KIF5A: variants seen among roughly 807,000 people sequenced by gnomAD.
KIF5A encodes kinesin heavy chain isoform 5A.
KIF5A carries 35 observed loss-of-function variants against 141.3 expected under a neutral mutation model. That is an observed-to-expected ratio of 0.25 (90% CI 0.19 to 0.33). KIF5A has a LOEUF of 0.33. Ranked by LOEUF, KIF5A falls within the 10% of genes least tolerant of loss-of-function variation. The probability of loss-of-function intolerance (pLI) is 1.00; values close to 1 mark genes in which losing one functional copy is unlikely to be tolerated. For synonymous variants in KIF5A, 448 were observed against 500.2 expected (o/e 0.90, Z 1.39); for missense variants, 861 against 1,314.3 (o/e 0.66, Z 5.33).
In KIF5A at chr12:57,568,953, G is replaced by T; in HGVS notation, c.715-10G>T. On this transcript the variant is annotated splice_polypyrimidine_tract_variant and intron_variant, in intron 8 of 28. Transcript: ENST00000455537. ...TGCTCATACACACTCATCTCTTACT[G>T]CCCTGGTAGGTCAGCAAGACTGGAG... 1 of 1,606,854 alleles carries T rather than the reference G, an allele frequency of 6.2e-7. No individual in the cohort carries two copies. Among genetic ancestry groups the T allele is most frequent in the Non-Finnish European group, 8.5e-7 (1 of 1,174,088 alleles).
Position 57,551,240 on chromosome 12 carries a change from G to A in KIF5A, c.129+840G>A, listed in dbSNP as rs573696582. 4.6e-5 allele frequency among the ~76,000 whole-genome samples: 7 copies of A among 152,164 alleles called. No homozygotes were observed. In the South Asian group the frequency reaches 1.5e-3, roughly 32 times the overall value. The stretch of plus-strand genomic sequence containing the variant: ...TTAAGGGAACTAATATTAACAGTGG[G>A]CCTGTTACTCTACGTATATTATTTA... On this transcript the variant is annotated intron_variant, in intron 1 of 28. Coordinates refer to ENST00000455537, the MANE Select transcript of KIF5A (RefSeq NM_004984.4).
rs773726131 is a variant in KIF5A, at chr12:57,564,480, C to T, written c.417C>T (p.Tyr139=). The change falls in exon 5 of 29, where the codon TAC becomes TAT. Residue 139 remains tyrosine, a synonymous_variant. Transcript: ENST00000455537. ...ACCAGGTTTCTTACTTTGAAATTTA[C>T]CTGGACAAAATTCGTGACCTTCTGG... is the stretch of plus-strand genomic sequence containing the variant. ...FHIKVSYFEI[Y]LDKIRDLLDV... The T allele has an allele frequency of 1.2e-6, 2 of 1,612,776 alleles. No individual in the cohort carries two copies. The highest frequency in any genetic ancestry group is 2.2e-5 in the South Asian group (2 of 91,036).
At chr12:57,581,362 G>A in intron 24 of KIF5A, 53 bp from the exon 25 acceptor site, 1 of 1,610,168 alleles carries the variant, frequency 6.2e-7, no homozygotes, top group Non-Finnish European at 8.5e-7. Flanking sequence ...TCAGGGACCA[G>A]GGCAAATGCA....
chr12:57,563,747 G>T, intron 3 of KIF5A, 54 bp downstream of exon 3: 3 of 1,492,398 alleles, frequency 2.0e-6, no homozygotes, highest in Admixed American at 3.3e-5. Flanking sequence ...TGGAAGATCA[G>T]GGAATCTCAG....
intron 8 of KIF5A, among the ~76,000 whole-genome samples, chr12:57,568,452 A>C (rs1343334831): frequency 6.6e-6 from 1 of 152,040 alleles, no homozygotes; most frequent in Admixed American, 6.6e-5. Flanking sequence ...ATGGCTGGGC[A>C]CGGTGGCTCA....
Position 57,581,561 on chromosome 12 carries a change from G to C in KIF5A, c.2902G>C (p.Asp968His), listed in dbSNP as rs764332673. 3.7e-6 allele frequency: 6 copies of C among 1,614,026 alleles called. No individual in the cohort carries two copies. The highest frequency in any genetic ancestry group is 4.2e-6 in the Non-Finnish European group (5 of 1,180,040). ...GCAGGCCACACCCAGCTCCACCTCA[G>C]ATATGTAGTGAGTGACCACACGTGT... is the stretch of plus-strand genomic sequence containing the variant. ...YLQATPSSTS[D>H]MYFANSCTSS... Residue 968 changes from aspartate (D) to histidine (H), a missense_variant, in exon 25 of 29, where the codon GAT (aspartate) becomes CAT (histidine). Asp to His is a moderately conservative substitution (Grantham distance 81). Transcript: ENST00000455537.
Position 57,572,004 on chromosome 12 carries a change from C to G in KIF5A, c.1363-57C>G. The G allele has an allele frequency of 1.4e-6, 2 of 1,476,806 alleles. No homozygotes were observed. Among genetic ancestry groups the G allele is most frequent in the Non-Finnish European group, 1.9e-6 (2 of 1,065,280 alleles). The allele number at this position is 1,476,806 out of a possible 1,614,324, so 91.5% of individuals were successfully genotyped here. A position where few individuals can be genotyped will look rare whatever the true frequency, so the allele number is the denominator to read the frequency against. Reference sequence around the variant, plus strand: ...GGGGCTCAGCTTCCCAGACCCAAGGCCATAGAAATGGTCACTGGCAGTGAT... The same window carrying G: ...GGGGCTCAGCTTCCCAGACCCAAGGGCATAGAAATGGTCACTGGCAGTGAT... On this transcript the variant is annotated intron_variant, in intron 13 of 28. Transcript: ENST00000455537. The surrounding 1 kb of genome is among the most constrained non-coding windows in gnomAD (Gnocchi z 4.2).
intron 1 of KIF5A, among the ~76,000 whole-genome samples, chr12:57,560,921 T>C (rs1191877241): frequency 6.6e-6 from 1 of 152,056 alleles, no homozygotes; most frequent in Non-Finnish European, 1.5e-5. Context: ...GCCTGGGAGG[T>C]TGCAGCTGCA....
In KIF5A at chr12:57,576,413, G is replaced by A. The variant is rs772023749; in HGVS notation, c.2198+35G>A. The A allele has an allele frequency of 2.1e-5, 32 of 1,520,684 alleles. No homozygotes were observed. The East Asian group carries it at 2.3e-4, about 11-fold the overall frequency. The allele number at this position is 1,520,684 out of a possible 1,614,324, so 94.2% of individuals were successfully genotyped here. On this transcript the variant is annotated intron_variant, in intron 19 of 28. Coordinates refer to ENST00000455537, the MANE Select transcript of KIF5A (RefSeq NM_004984.4). ...CCCAAGGGCGACTCCAGCCCCTCCC[G>A]GGTCCTGTCACCTTGCTGTATTGAC... is the stretch of plus-strand genomic sequence containing the variant.
At chr12:57,576,241 T>TC (rs1432159181) in intron 18 of KIF5A, 28 bp from the exon 19 acceptor site, 1 of 1,613,028 alleles carries the variant, frequency 6.2e-7, no homozygotes, top group Non-Finnish European at 8.5e-7. Context: ...GAGTCTGGCC[T>TC]TTGAGCTTGG....
intron 15 of KIF5A, among the ~76,000 whole-genome samples, chr12:57,573,859 G>A (rs1445962970): frequency 6.6e-6 from 1 of 150,626 alleles, no homozygotes; most frequent in Non-Finnish European, 1.5e-5. Context: ...TTGGGAGGCC[G>A]AGGCGAGGTC....
intron 8 of KIF5A, 21 bp downstream of exon 8, chr12:57,567,639 G>C: frequency 6.2e-7 from 1 of 1,605,538 alleles, no homozygotes; most frequent in Non-Finnish European, 8.5e-7. Flanking sequence ...CTGTGGATAT[G>C]GGGTGGGTGG....
chr12:57,571,673 A>G (rs909608025), intron 13 of KIF5A, among the ~76,000 whole-genome samples: 1 of 151,668 alleles, frequency 6.6e-6, no homozygotes, highest in Non-Finnish European at 1.5e-5. Flanking sequence ...AGGGTCAAGC[A>G]GTCCTCCTGC....
chr12:57,564,030 G>T (rs1046878705), intron 3 of KIF5A, 78 bp from the exon 4 acceptor site: 6 of 988,052 alleles, frequency 6.1e-6, no homozygotes, highest in Non-Finnish European at 9.8e-6. Flanking sequence ...CTCTTGCCTT[G>T]GTGTTCACCT....
In KIF5A at chr12:57,577,768, A is replaced by T. The variant is rs1236823586; in HGVS notation, c.2356A>T (p.Thr786Ser). The T allele has an allele frequency of 6.2e-7, 1 of 1,613,260 alleles. No homozygotes were observed. Among genetic ancestry groups the T allele is most frequent in the East Asian group, 2.2e-5 (1 of 44,868 alleles). Residue 786 changes from threonine (T) to serine (S), a missense_variant, in exon 21 of 29, where the codon ACA becomes TCA. By Grantham distance (58) the Thr-to-Ser change is moderately conservative. Around this residue, in one of 5 missense-constraint regions of KIF5A, gnomAD observed 482 missense variants for 661.3 expected, o/e 0.73. Transcript: ENST00000455537. ...GCAGGACCTCAAGGGTCTGGAGGAG[A>T]CAGTTGTGAGTGGTTCCCTTCTGTG... Reference protein sequence around the residue: ...SKQDLKGLEETVARELQTLHN... With the variant: ...SKQDLKGLEESVARELQTLHN...
chr12:57,575,671 A>T lies in KIF5A; in HGVS notation c.1937A>T (p.Tyr646Phe). 2.5e-6 allele frequency: 4 copies of T among 1,614,182 alleles called. No individual in the cohort carries two copies. The highest frequency in any genetic ancestry group is 3.4e-6 in the Non-Finnish European group (4 of 1,180,042). ...HEAKIRSLTE[Y>F]MQSVELKKRH... is the part of the protein sequence containing the mutation. ...GCCAAGATCCGCTCGCTTACGGAAT[A>T]CATGCAGAGCGTGGAGCTAAAGAAG... Residue 646 changes from tyrosine to phenylalanine, a missense_variant, in exon 17 of 29, where the codon TAC becomes TTC. Physicochemically the swap from Tyr to Phe is conservative, Grantham distance 22. Transcript: ENST00000455537.
rs1881999338 is a variant in KIF5A, at chr12:57,564,332, T to C, written c.396+120T>C. 3.7e-6 allele frequency: 4 copies of C among 1,079,012 alleles called. No individual in the cohort carries two copies. The Admixed American group carries it at 5.1e-5, about 14-fold the overall frequency. The allele number at this position is 1,079,012 out of a possible 1,614,324, so 66.8% of individuals were successfully genotyped here. A position where few individuals can be genotyped will look rare whatever the true frequency, so the allele number is the denominator to read the frequency against. ...TCCCTTTCCGGTTACCAGAGTTCTT[T>C]GTCAAGATGTTCTCTTCTGTTCTTT... On this transcript the variant is annotated intron_variant, in intron 4 of 28. Transcript: ENST00000455537.
chr12:57,576,190 G>A (rs761859167), intron 18 of KIF5A, 39 bp downstream of exon 18: 10 of 1,610,030 alleles, frequency 6.2e-6, no homozygotes, highest in Non-Finnish European at 8.5e-6. Flanking sequence ...GGGGCCTGGT[G>A]TGGTGAAAGC....
At chr12:57,567,676 T>A in intron 8 of KIF5A, 58 bp downstream of exon 8, 1 of 1,511,960 alleles carries the variant, frequency 6.6e-7, no homozygotes, top group South Asian at 1.3e-5. Context: ...TTTTTTTTTT[T>A]TTGAGACAGA....
Sources: allele counts gnomAD v4.1 joint callset (sites outside exome capture counted in the v4.1 genomes callset), GRCh38; gene constraint gnomAD v4.1.1; regional missense constraint gnomAD v4.1.1; non-coding constraint Gnocchi (gnomAD v3.1); transcripts MANE v1.5; gene names NCBI Gene and HGNC (gene_info 2026-07-23, HGNC 2026-07-21).